The following C11orf65 variants were observed in gnomAD, a reference collection of about 807,000 sequenced individuals.
C11orf65 encodes chromosome 11 open reading frame 65, also known as protein MFI.
A neutral mutation model predicts 35.3 loss-of-function variants in C11orf65; 38 were observed. That is an observed-to-expected ratio of 1.08 (90% CI 0.83 to 1.41). The LOEUF (loss-of-function observed/expected upper bound fraction) is 1.41, where lower values mean the gene tolerates loss of function less well. Among genes scored for constraint, C11orf65 ranks in the 40% most tolerant of loss-of-function variants. The probability of loss-of-function intolerance (pLI) is 0.00; values close to 1 mark genes in which losing one functional copy is unlikely to be tolerated. For synonymous variants in C11orf65, 105 were observed against 114.4 expected, an observed-to-expected ratio of 0.92 and a Z score of 0.53; for missense variants, 370 against 367.1, an observed-to-expected ratio of 1.01 and a Z score of -0.06.
chr11:108,385,989 A>G lies in C11orf65; in HGVS notation c.732-14T>C, dbSNP rs376156234. 20 of 1,606,296 alleles carry G rather than the reference A, an allele frequency of 1.2e-5. No individual in the cohort carries two copies. Among genetic ancestry groups the G allele is most frequent in the Non-Finnish European group, 1.7e-5 (20 of 1,174,736 alleles). On this transcript the variant is annotated splice_polypyrimidine_tract_variant and intron_variant, in intron 7 of 8. Coordinates refer to ENST00000393084, the MANE Select transcript of C11orf65 (RefSeq NM_152587.5). ...CTGGCAATGTACCTAAGCACATTATATGAGGATTCATTAAATTTAATCGAT... is the reference window on the plus strand; with the variant it reads ...CTGGCAATGTACCTAAGCACATTATGTGAGGATTCATTAAATTTAATCGAT...
chr11:108,367,664 A>G (rs2091405669), intron 2 of C11orf65: 1 of 212,906 alleles, frequency 4.7e-6, no homozygotes, highest in South Asian at 1.9e-4. Flanking sequence ...AAGAGTTGGC[A>G]TTTCTTTTTA....
chr11:108,441,612 C>A (rs1417271264), intron 2 of C11orf65, among the ~76,000 whole-genome samples: 2 of 152,220 alleles, frequency 1.3e-5, no homozygotes, highest in East Asian at 1.9e-4. Context: ...AGGTGCCCCT[C>A]TGAGACAAAG....
intron 2 of C11orf65, chr11:108,343,403 A>T (rs752872041): frequency 6.8e-6 from 11 of 1,612,018 alleles, no homozygotes; most frequent in Non-Finnish European, 6.8e-6. Flanking sequence ...AGGTTATTGT[A>T]AGATTATTTA....
chr11:108,360,314 A>G (rs1194081511), intron 2 of C11orf65, among the ~76,000 whole-genome samples: 2 of 152,084 alleles, frequency 1.3e-5, no homozygotes, highest in Non-Finnish European at 2.9e-5. Context: ...ATAGTTTACC[A>G]AACAAAAAGA....
At chr11:108,348,735 A>T (rs939032703) in intron 2 of C11orf65, among the ~76,000 whole-genome samples, 1 of 152,196 alleles carries the variant, frequency 6.6e-6, no homozygotes, top group East Asian at 1.9e-4. Context: ...TTCTCAGAAA[A>T]TAATATATTG....
intron 6 of C11orf65, among the ~76,000 whole-genome samples, chr11:108,311,098 C>G (rs2084117058): frequency 1.3e-5 from 2 of 152,064 alleles, no homozygotes; most frequent in African/African-American, 4.8e-5. Flanking sequence ...CTCCAAGTAG[C>G]TGGGACTATA....
chr11:108,320,580 A>T (rs1261488202), intron 6 of C11orf65, among the ~76,000 whole-genome samples: 1 of 152,234 alleles, frequency 6.6e-6, no homozygotes, highest in Non-Finnish European at 1.5e-5. Context: ...CTCTTTTCAT[A>T]TGTATTCTCT....
Position 108,400,724 on chromosome 11 carries a change from T to C in C11orf65, c.560+4705A>G, listed in dbSNP as rs536952343. ...CACTTCAAAGTTCCATTAGTCCCAG[T>C]GAACTAAAGGAACCAGTTCCATCAC... On this transcript the variant is annotated intron_variant, in intron 6 of 8. Transcript: ENST00000393084. 9.1e-4 allele frequency among the ~76,000 whole-genome samples: 139 copies of C among 152,278 alleles called. 2 individuals carry two copies. The Middle Eastern group carries it at 0.014, about 15-fold the overall frequency.
intron 2 of C11orf65, chr11:108,345,625 A>T: frequency 1.3e-6 from 1 of 790,116 alleles, no homozygotes; most frequent in Non-Finnish European, 1.9e-6. Flanking sequence ...TCTTGTAGGT[A>T]ATGTATCCTG....
chr11:108,347,763 A>C (rs1169419933), intron 2 of C11orf65, among the ~76,000 whole-genome samples: 1 of 152,110 alleles, frequency 6.6e-6, no homozygotes, highest in African/African-American at 2.4e-5. Context: ...CGCTTGAGAG[A>C]GAGATTGGTA....
chr11:108,449,124 G>C (rs1170903070), intron 2 of C11orf65, among the ~76,000 whole-genome samples: 1 of 152,180 alleles, frequency 6.6e-6, no homozygotes, highest in Non-Finnish European at 1.5e-5. Context: ...ACTACTCAGT[G>C]ATATAAAAGA....
At chr11:108,425,839 C>G (rs996009534) in intron 3 of C11orf65, among the ~76,000 whole-genome samples, 3 of 152,128 alleles carry the variant, frequency 2.0e-5, no homozygotes, top group Admixed American at 6.5e-5. Flanking sequence ...AAGGCTAGTT[C>G]AACATACACA....
At chr11:108,317,180 C>G (rs935573027) in intron 6 of C11orf65, among the ~76,000 whole-genome samples, 2 of 151,744 alleles carry the variant, frequency 1.3e-5, no homozygotes, top group Non-Finnish European at 2.9e-5. Context: ...CTCAAGTGAT[C>G]CTCCTGCCTC....
intron 2 of C11orf65, among the ~76,000 whole-genome samples, chr11:108,362,458 C>G (rs2090881479): frequency 6.6e-6 from 1 of 151,300 alleles, no homozygotes; most frequent in African/African-American, 2.4e-5. Context: ...GGTATATAAC[C>G]AAAGGACTAT....
chr11:108,339,566 C>T (rs2087260392), intron 2 of C11orf65, among the ~76,000 whole-genome samples: 1 of 152,086 alleles, frequency 6.6e-6, no homozygotes, highest in Non-Finnish European at 1.5e-5. Context: ...CAGTTGAAAT[C>T]TTCCAGAGAG....
chr11:108,442,971 TTAACTTTA>T (rs2093182946), intron 2 of C11orf65, among the ~76,000 whole-genome samples: 2 of 152,108 alleles, frequency 1.3e-5, no homozygotes, highest in Non-Finnish European at 2.9e-5. Flanking sequence ...TATAATAATA[TTAACTTTA>T]AATGTAAATG....
intron 6 of C11orf65, among the ~76,000 whole-genome samples, chr11:108,319,492 C>T (rs915878233): frequency 6.6e-6 from 1 of 152,112 alleles, no homozygotes; most frequent in Non-Finnish European, 1.5e-5. Context: ...TTCAGAGAGG[C>T]CTTTCTTGAT....
chr11:108,345,032 G>A (rs1180604685), intron 2 of C11orf65, among the ~76,000 whole-genome samples: 1 of 152,100 alleles, frequency 6.6e-6, no homozygotes, highest in African/African-American at 2.4e-5. Context: ...TTGGAGAAAA[G>A]GAGTAGCCAG....
chr11:108,428,163 G>T (rs777720960), intron 3 of C11orf65, among the ~76,000 whole-genome samples: 1 of 152,058 alleles, frequency 6.6e-6, no homozygotes, highest in Non-Finnish European at 1.5e-5. Context: ...GGAAAGAATA[G>T]ATGCTGGAGA....
Sources: gnomAD v4.1 joint callset for allele counts (sites outside exome capture counted in the v4.1 genomes callset) on GRCh38, gnomAD v4.1.1 for gene constraint, MANE v1.5 for transcripts, NCBI Gene and HGNC (gene_info 2026-07-23, HGNC 2026-07-21) for gene names.